INPP5A: variants seen among roughly 807,000 people sequenced by gnomAD.
The protein encoded by INPP5A is inositol polyphosphate-5-phosphatase A, also known as 43 kDa inositol polyphosphate 5-phophatase.
INPP5A carries 14 observed loss-of-function variants against 65.2 expected under a neutral mutation model. The observed-to-expected ratio is 0.21, with a 90% CI of 0.14 to 0.34. The LOEUF is 0.34. INPP5A is among the 10% of genes least tolerant of loss of function. The pLI, the probability that INPP5A is intolerant of heterozygous loss-of-function variation, is 1.00. For synonymous variants in INPP5A, 207 were observed against 208.3 expected, an observed-to-expected ratio of 0.99 and a Z score of 0.05; for missense variants, 431 against 545.6, an observed-to-expected ratio of 0.79 and a Z score of 2.09.
rs532500974 is a variant in INPP5A, at chr10:132,545,037, C to T, written c.75+6866C>T. Among the ~76,000 whole-genome samples the T allele has an allele frequency of 1.1e-3, 166 of 152,264 alleles. 1 individual carries two copies. Among genetic ancestry groups the T allele is most frequent in the African/African-American group, 3.9e-3 (160 of 41,554 alleles). ...TGTTGGGAGAATGTCTGCACGTAGG[C>T]GTGGTCACGTCCGTCCCTGTTGCCT... On this transcript the variant is annotated intron_variant, in intron 1 of 15. Coordinates refer to ENST00000368594, the MANE Select transcript of INPP5A (RefSeq NM_005539.5). This position sits in a 1 kb window ranked among gnomAD's most constrained non-coding sequence, Gnocchi z 4.6.
intron 1 of INPP5A, among the ~76,000 whole-genome samples, chr10:132,558,944 C>T (rs918370306): frequency 3.3e-5 from 5 of 152,228 alleles, no homozygotes; most frequent in African/African-American, 1.2e-4. Flanking sequence ...AAGTCCTCTG[C>T]TCACGGTGCC....
intron 1 of INPP5A, among the ~76,000 whole-genome samples, chr10:132,586,972 C>T (rs1485757331): frequency 6.6e-6 from 1 of 152,130 alleles, no homozygotes; most frequent in Non-Finnish European, 1.5e-5. Context: ...CATCATCTGT[C>T]GGCTTCTGCA....
At chr10:132,688,210 G>T (rs113412976) in intron 4 of INPP5A, among the ~76,000 whole-genome samples, 3 of 152,228 alleles carry the variant, frequency 2.0e-5, no homozygotes, top group Non-Finnish European at 4.4e-5. Flanking sequence ...TTACTGGCAC[G>T]ATTGGCCCTC....
At chr10:132,657,030 G>A (rs1373392475) in intron 4 of INPP5A, among the ~76,000 whole-genome samples, 1 of 152,230 alleles carries the variant, frequency 6.6e-6, no homozygotes, top group East Asian at 1.9e-4. Flanking sequence ...TTGAGGAAGA[G>A]AGAGTGAAGT....
At chr10:132,645,805 G>A in intron 2 of INPP5A, 63 bp from the exon 3 acceptor site, 4 of 1,291,800 alleles carry the variant, frequency 3.1e-6, no homozygotes, top group Non-Finnish European at 4.4e-6. Flanking sequence ...TGGAGGGGGT[G>A]GTGCCACGTG....
intron 4 of INPP5A, 91 bp from the exon 5 acceptor site, chr10:132,690,301 A>C: frequency 1.2e-6 from 1 of 840,492 alleles, no homozygotes; most frequent in Non-Finnish European, 2.0e-6. Flanking sequence ...TGCTCTAGCT[A>C]GTTTAAAAGA....
intron 8 of INPP5A, among the ~76,000 whole-genome samples, chr10:132,724,978 A>G (rs1382223527): frequency 1.4e-5 from 2 of 145,672 alleles, no homozygotes; most frequent in South Asian, 2.2e-4. Context: ...AGCACACGCC[A>G]TATTCACCAC....
At chr10:132,778,275 T>C in intron 13 of INPP5A, among the ~76,000 whole-genome samples, 1 of 151,170 alleles carries the variant, frequency 6.6e-6, no homozygotes, top group African/African-American at 2.4e-5. Flanking sequence ...TTTTCAGATT[T>C]CCTGTGATTT....
rs1054892643 is a variant in INPP5A, at chr10:132,637,203, G to T, written c.118-8665G>T. On this transcript the variant is annotated intron_variant, in intron 2 of 15. Coordinates refer to ENST00000368594, the MANE Select transcript of INPP5A (RefSeq NM_005539.5). The surrounding 1 kb of genome is among the most constrained non-coding windows in gnomAD (Gnocchi z 4.1). The stretch of plus-strand genomic sequence containing the variant: ...CTCCCAAAGTGGTGGGATTACAGGC[G>T]TGAGCCACCTGTTGTTTAATTGATC... Among the ~76,000 whole-genome samples, 1 of 152,226 alleles carries T rather than the reference G, an allele frequency of 6.6e-6. No individual in the cohort carries two copies. Among genetic ancestry groups the T allele is most frequent in the African/African-American group, 2.4e-5 (1 of 41,456 alleles).
At chr10:132,714,941 G>C (rs1845714805) in intron 8 of INPP5A, among the ~76,000 whole-genome samples, 1 of 152,254 alleles carries the variant, frequency 6.6e-6, no homozygotes, top group Non-Finnish European at 1.5e-5. Flanking sequence ...CCTAATGAGT[G>C]AGGAGGACCA....
chr10:132,733,931 CACA>C (rs1846130901), intron 9 of INPP5A, among the ~76,000 whole-genome samples: 1 of 152,246 alleles, frequency 6.6e-6, no homozygotes, highest in Non-Finnish European at 1.5e-5. Flanking sequence ...AGCTCCTTAG[CACA>C]CACATCCTGG....
chr10:132,777,631 C>G (rs768661498), intron 12 of INPP5A, 40 bp from the exon 13 acceptor site: 11 of 1,590,246 alleles, frequency 6.9e-6, no homozygotes, highest in Non-Finnish European at 9.5e-6. Flanking sequence ...GAGGACGGCC[C>G]GAGCCGGCCG....
intron 9 of INPP5A, among the ~76,000 whole-genome samples, chr10:132,743,472 G>A (rs1307679948): frequency 6.6e-6 from 1 of 152,220 alleles, no homozygotes; most frequent in Non-Finnish European, 1.5e-5. Context: ...CTGGGAGTGA[G>A]GGCGAGCCCC....
chr10:132,701,927 T>G (rs949577045), intron 6 of INPP5A, among the ~76,000 whole-genome samples: 6 of 152,364 alleles, frequency 3.9e-5, no homozygotes, highest in Non-Finnish European at 7.3e-5. Flanking sequence ...ATGAGGGTGG[T>G]ACCTGTCCTG....
At chr10:132,682,096 CA>C (rs1471129499) in intron 4 of INPP5A, among the ~76,000 whole-genome samples, 7 of 151,944 alleles carry the variant, frequency 4.6e-5, no homozygotes, top group Non-Finnish European at 8.8e-5. Flanking sequence ...TGGACAGGAA[CA>C]GTTTCAGCTG....
At chr10:132,726,277 C>G (rs1845982495) in intron 8 of INPP5A, among the ~76,000 whole-genome samples, 1 of 152,340 alleles carries the variant, frequency 6.6e-6, no homozygotes, top group East Asian at 1.9e-4. Context: ...ACCTTCAAAA[C>G]AGGTCTGAGG....
chr10:132,630,809 CG>C (rs931266160), intron 2 of INPP5A, among the ~76,000 whole-genome samples: 16 of 138,774 alleles, frequency 1.2e-4, no homozygotes, highest in Admixed American at 8.5e-4. Flanking sequence ...GCGGGGGCGG[CG>C]GGGGACGTGC....
intron 9 of INPP5A, among the ~76,000 whole-genome samples, chr10:132,730,589 C>T (rs1846067066): frequency 6.6e-6 from 1 of 152,220 alleles, no homozygotes; most frequent in South Asian, 2.1e-4. Flanking sequence ...CTTGCCTGGC[C>T]ATCGAAGCGT....
intron 11 of INPP5A, among the ~76,000 whole-genome samples, chr10:132,760,107 G>C (rs140299185): frequency 1.3e-5 from 2 of 152,200 alleles, no homozygotes; most frequent in Non-Finnish European, 2.9e-5. Flanking sequence ...AATTCATGTC[G>C]GCCAAGAGCT....
Sources: gnomAD v4.1 joint callset for allele counts (sites outside exome capture counted in the v4.1 genomes callset) on GRCh38, gnomAD v4.1.1 for gene constraint, Gnocchi (gnomAD v3.1) non-coding constraint, MANE v1.5 for transcripts, NCBI Gene and HGNC (gene_info 2026-07-23, HGNC 2026-07-21) for gene names.